The following SLC4A10 variants were observed in gnomAD, a reference collection of about 807,000 sequenced individuals.
SLC4A10 encodes the protein sodium-driven chloride bicarbonate exchanger.
In SLC4A10, 42 loss-of-function variants were observed where a neutral mutation model predicts 137.7. That is an observed-to-expected ratio of 0.30 (90% CI 0.24 to 0.39). The LOEUF is 0.39. SLC4A10 is among the 10% of genes least tolerant of loss of function. The probability of loss-of-function intolerance (pLI) is 1.00; values close to 1 mark genes in which losing one functional copy is unlikely to be tolerated. For missense variants in SLC4A10, 925 were observed against 1,355.0 expected (o/e 0.68, Z 4.98); for synonymous variants, 474 against 464.1 (o/e 1.02, Z -0.27).
intron 1 of SLC4A10, among the ~76,000 whole-genome samples, chr2:161,750,573 C>T (rs79813772): frequency 9.2e-5 from 14 of 151,828 alleles, no homozygotes; most frequent in East Asian, 1.9e-4. Flanking sequence ...TTTCTGGTTT[C>T]GTGACATCGT....
At chr2:161,980,967 T>C (rs757314312) in intron 26 of SLC4A10, among the ~76,000 whole-genome samples, 3 of 152,202 alleles carry the variant, frequency 2.0e-5, no homozygotes, top group Non-Finnish European at 4.4e-5. Flanking sequence ...TTCCGAACAA[T>C]GGATCCTAGA....
intron 15 of SLC4A10, among the ~76,000 whole-genome samples, chr2:161,940,434 G>T (rs1269141799): frequency 6.6e-6 from 1 of 152,168 alleles, no homozygotes; most frequent in African/African-American, 2.4e-5. Flanking sequence ...ACTGAGAATA[G>T]TATGGGTTCC....
chr2:161,776,884 T>C (rs2125449984), intron 2 of SLC4A10, among the ~76,000 whole-genome samples: 1 of 151,604 alleles, frequency 6.6e-6, no homozygotes. Flanking sequence ...TGTGTGTGTG[T>C]GTGTGTGTTT....
At chr2:161,835,428 C>T (rs1010811869) in intron 3 of SLC4A10, among the ~76,000 whole-genome samples, 8 of 152,118 alleles carry the variant, frequency 5.3e-5, no homozygotes, top group African/African-American at 1.9e-4. Flanking sequence ...CATAAGAGAC[C>T]TTTGAATGTT....
chr2:161,845,607 G>T (rs1039833606), intron 4 of SLC4A10, among the ~76,000 whole-genome samples: 1 of 151,928 alleles, frequency 6.6e-6, no homozygotes, highest in Non-Finnish European at 1.5e-5. Flanking sequence ...AAGAATAATT[G>T]GATTTTTTAA....
At chr2:161,715,492 C>T (rs2044755579) in intron 1 of SLC4A10, among the ~76,000 whole-genome samples, 1 of 152,026 alleles carries the variant, frequency 6.6e-6, no homozygotes, top group African/African-American at 2.4e-5. Context: ...CTTATGCTCT[C>T]CCTCTTCTCA....
intron 3 of SLC4A10, among the ~76,000 whole-genome samples, chr2:161,816,277 A>G (rs2057047488): frequency 6.6e-6 from 1 of 152,182 alleles, no homozygotes; most frequent in South Asian, 2.1e-4. Flanking sequence ...AGGTGCCTCA[A>G]AATTCTTTGG....
intron 15 of SLC4A10, among the ~76,000 whole-genome samples, chr2:161,915,874 G>A (rs556595509): frequency 3.3e-5 from 5 of 152,262 alleles, no homozygotes; most frequent in Admixed American, 6.5e-5. Context: ...CAGTATAAGA[G>A]GAGAAAATTT....
intron 1 of SLC4A10, among the ~76,000 whole-genome samples, chr2:161,624,939 T>C (rs951035672): frequency 1.3e-5 from 2 of 152,020 alleles, no homozygotes; most frequent in Non-Finnish European, 2.9e-5. Flanking sequence ...CCCCCTTTTA[T>C]CATGTTTAAT....
Position 161,644,244 on chromosome 2 carries a change from C to T in SLC4A10, c.48+19678C>T, listed in dbSNP as rs6739489. ...GGGCATAGTTGCTCACACCTGTATT[C>T]CTAGCACTTTGGGAGACTGAGGTGA... On this transcript the variant is annotated intron_variant, in intron 1 of 26. Transcript: ENST00000446997. Among the ~76,000 whole-genome samples the T allele has an allele frequency of 3.8e-3, 571 of 152,170 alleles. 8 individuals carry two copies. The highest frequency in any genetic ancestry group is 0.013 in the African/African-American group (551 of 41,530).
chr2:161,777,828 C>A (rs2052547060), intron 2 of SLC4A10, among the ~76,000 whole-genome samples: 1 of 151,970 alleles, frequency 6.6e-6, no homozygotes, highest in African/African-American at 2.4e-5. Flanking sequence ...CAAACCATAT[C>A]AGTTTCCTTC....
intron 15 of SLC4A10, among the ~76,000 whole-genome samples, chr2:161,939,519 T>C (rs992004512): frequency 1.3e-5 from 2 of 152,078 alleles, no homozygotes; most frequent in African/African-American, 4.8e-5. Flanking sequence ...CATATGTAGA[T>C]TTCCATTTCT....
intron 20 of SLC4A10, 84 bp downstream of exon 20, chr2:161,957,324 T>G: frequency 1.4e-6 from 2 of 1,446,346 alleles, no homozygotes; most frequent in East Asian, 4.7e-5. Flanking sequence ...GAGCCATAAA[T>G]TTGCAAATAT....
intron 1 of SLC4A10, among the ~76,000 whole-genome samples, chr2:161,748,278 T>C (rs1283327303): frequency 2.0e-5 from 3 of 152,328 alleles, no homozygotes; most frequent in South Asian, 2.1e-4. Flanking sequence ...CTTAGTTTCA[T>C]GTAGGTCTAC....
chr2:161,977,786 T>C, intron 26 of SLC4A10, 26 bp downstream of exon 26: 1 of 1,562,956 alleles, frequency 6.4e-7, no homozygotes, highest in Non-Finnish European at 8.6e-7. Context: ...TCAAATCTAT[T>C]CCTTGGTTGC....
chr2:161,889,089 T>C (rs533286265), intron 10 of SLC4A10, among the ~76,000 whole-genome samples: 3 of 152,286 alleles, frequency 2.0e-5, no homozygotes, highest in Middle Eastern at 6.8e-3. Context: ...ATTACACTTA[T>C]TGATTTCTGT....
intron 1 of SLC4A10, among the ~76,000 whole-genome samples, chr2:161,643,642 G>A (rs1261783744): frequency 6.6e-6 from 1 of 152,108 alleles, no homozygotes; most frequent in Non-Finnish European, 1.5e-5. Context: ...CTAAGAGAGG[G>A]ACTGGTAACT....
At chr2:161,633,796 A>G (rs1413127679) in intron 1 of SLC4A10, among the ~76,000 whole-genome samples, 1 of 151,812 alleles carries the variant, frequency 6.6e-6, no homozygotes, top group Admixed American at 6.6e-5. Context: ...GATAATTATA[A>G]TACAGTACAA....
At chr2:161,667,782 T>C (rs1448218277) in intron 1 of SLC4A10, among the ~76,000 whole-genome samples, 1 of 151,770 alleles carries the variant, frequency 6.6e-6, no homozygotes, top group Non-Finnish European at 1.5e-5. Context: ...TCCTATGACA[T>C]ACTGTTTTGA....
Sources: gnomAD v4.1 joint callset for allele counts (sites outside exome capture counted in the v4.1 genomes callset) on GRCh38, gnomAD v4.1.1 for gene constraint, MANE v1.5 for transcripts, NCBI Gene and HGNC (gene_info 2026-07-23, HGNC 2026-07-21) for gene names.